Variants in PCDH15 observed in about 807,000 individuals in gnomAD.
The protein encoded by PCDH15 is protocadherin-15.
Under a neutral mutation model 178.5 loss-of-function variants are expected in PCDH15, and 129 were observed. The ratio of observed to expected loss-of-function variants is 0.72; its 90% CI spans 0.63 to 0.84. PCDH15 has a LOEUF of 0.84. PCDH15 is among the 40% of genes least tolerant of loss of function. The pLI is 0.00. For synonymous variants in PCDH15, 800 were observed against 732.0 expected (o/e 1.09, Z -1.50); for missense variants, 2,230 against 2,099.9 (o/e 1.06, Z -1.21).
chr10:55,574,847 T>A (rs1283519987), intron 2 of PCDH15, among the ~76,000 whole-genome samples: 1 of 152,054 alleles, frequency 6.6e-6, no homozygotes, highest in Non-Finnish European at 1.5e-5. Flanking sequence ...AGTTTATCTA[T>A]CTTCTTATTG....
chr10:54,295,736 C>A lies in PCDH15; in HGVS notation c.876+21535G>T, dbSNP rs546457208. On this transcript the variant is annotated intron_variant, in intron 8 of 37. Coordinates refer to ENST00000644397, the MANE Select transcript of PCDH15 (RefSeq NM_001384140.1). ...AACAAATTCCAGACACATTTGGCAA[C>A]CACGAAGGGATAATCACCAAGTAGT... is the stretch of plus-strand genomic sequence containing the variant. Among the ~76,000 whole-genome samples the A allele has an allele frequency of 4.6e-5, 7 of 152,294 alleles. No homozygotes were observed. The East Asian group carries it at 1.4e-3, about 30-fold the overall frequency.
chr10:55,315,185 C>T (rs190200935), intron 1 of PCDH15, among the ~76,000 whole-genome samples: 21 of 152,182 alleles, frequency 1.4e-4, no homozygotes, highest in African/African-American at 5.1e-4. Context: ...TTTGACAATA[C>T]ATAATTATAT....
chr10:55,005,668 T>C (rs1231572337), intron 2 of PCDH15, among the ~76,000 whole-genome samples: 1 of 152,154 alleles, frequency 6.6e-6, no homozygotes, highest in Non-Finnish European at 1.5e-5. Context: ...TAAGTTCATT[T>C]ATTGTTAACA....
intron 15 of PCDH15, among the ~76,000 whole-genome samples, chr10:54,091,348 AT>A (rs77591138): frequency 0.29 from 43,474 of 152,022 alleles, 6,529 homozygotes; most frequent in African/African-American, 0.37. Context: ...AGTCAGCAGG[AT>A]TCTGAGAGAG....
At chr10:54,910,247 C>A (rs1467422787) in intron 2 of PCDH15, among the ~76,000 whole-genome samples, 1 of 152,284 alleles carries the variant, frequency 6.6e-6, no homozygotes, top group South Asian at 2.1e-4. Flanking sequence ...TCAATACCAC[C>A]AATACCTTCT....
chr10:55,200,712 G>T (rs186877056), intron 1 of PCDH15, among the ~76,000 whole-genome samples: 1 of 152,194 alleles, frequency 6.6e-6, no homozygotes, highest in East Asian at 1.9e-4. Context: ...CCTGGTGGGA[G>T]TTGACTGGAT....
At chr10:55,464,206 G>A (rs1490756297) in intron 2 of PCDH15, among the ~76,000 whole-genome samples, 1 of 152,042 alleles carries the variant, frequency 6.6e-6, no homozygotes, top group African/African-American at 2.4e-5. Context: ...AAGTGTACTA[G>A]GGACATAACT....
In PCDH15 at chr10:54,462,309, T is replaced by C. The variant is rs1370390273; in HGVS notation, c.157+65503A>G. ...GGAAACACACACACACATATATATA[T>C]ATATAAAATGAAATCCTATCTTACT... On this transcript the variant is annotated intron_variant, in intron 3 of 37. Coordinates refer to ENST00000644397, the MANE Select transcript of PCDH15 (RefSeq NM_001384140.1). Among the ~76,000 whole-genome samples, 7 of 137,742 alleles carry C rather than the reference T, an allele frequency of 5.1e-5. No individual in the cohort carries two copies. In the East Asian group the frequency reaches 1.4e-3, roughly 27 times the overall value. The allele number at this position is 137,742 out of a possible 152,430, so 90.4% of individuals were successfully genotyped here. A position where few individuals can be genotyped will look rare whatever the true frequency, so the allele number is the denominator to read the frequency against.
At chr10:54,503,324 T>C (rs1014787747) in intron 3 of PCDH15, among the ~76,000 whole-genome samples, 2 of 146,342 alleles carry the variant, frequency 1.4e-5, no homozygotes, top group Non-Finnish European at 3.0e-5. Context: ...TGTTTTATAT[T>C]ATATATATAT....
intron 2 of PCDH15, among the ~76,000 whole-genome samples, chr10:55,150,763 A>G (rs1310557496): frequency 6.6e-6 from 1 of 152,190 alleles, no homozygotes; most frequent in African/African-American, 2.4e-5. Context: ...CATCATTGGA[A>G]TTCAAGTTTT....
At position 54,090,821 on chromosome 10, in the gene PCDH15, A is replaced by G. The variant is rs1289781724; in HGVS notation, c.1918-758T>C. Among the ~76,000 whole-genome samples the G allele has an allele frequency of 2.0e-5, 3 of 152,276 alleles. No homozygotes were observed. In the East Asian group the frequency reaches 5.8e-4, roughly 29 times the overall value. Reference sequence around the variant, plus strand: ...AGCATGACTTCAAAACCGGGCTCCAATTGTCCTATGTGATTATTTCTGTGT... The same window carrying G: ...AGCATGACTTCAAAACCGGGCTCCAGTTGTCCTATGTGATTATTTCTGTGT... On this transcript the variant is annotated intron_variant, in intron 15 of 37. Transcript: ENST00000644397.
intron 1 of PCDH15, among the ~76,000 whole-genome samples, chr10:54,685,997 T>A (rs2135723538): frequency 6.6e-6 from 1 of 152,040 alleles, no homozygotes; most frequent in South Asian, 2.1e-4. Flanking sequence ...TCTACTTTTC[T>A]AATTTTTGCA....
intron 1 of PCDH15, among the ~76,000 whole-genome samples, chr10:54,739,403 A>G (rs1797672796): frequency 6.6e-6 from 1 of 152,010 alleles, no homozygotes; most frequent in African/African-American, 2.4e-5. Flanking sequence ...ACTGGAAAAG[A>G]TTGATAAAAT....
chr10:54,555,104 G>A (rs903227298), intron 2 of PCDH15, among the ~76,000 whole-genome samples: 1 of 152,120 alleles, frequency 6.6e-6, no homozygotes, highest in African/African-American at 2.4e-5. Context: ...GCTGATCTGT[G>A]GGGTCATTAA....
Position 54,384,077 on chromosome 10 carries a change from A to G in PCDH15, c.158-5135T>C, listed in dbSNP as rs537294149. 4.2e-3 allele frequency among the ~76,000 whole-genome samples: 622 copies of G among 149,396 alleles called. 7 individuals are homozygous for G. Among genetic ancestry groups the G allele is most frequent in the African/African-American group, 0.014 (572 of 40,364 alleles). ...TTAAACTTCTGACTTCAGGTGATCC[A>G]TCCGCCTCGGCCTCCCAACGTGCTG... On this transcript the variant is annotated intron_variant, in intron 3 of 37. Transcript: ENST00000644397.
chr10:54,794,893 G>T lies in PCDH15; in HGVS notation c.-29+6032C>A, dbSNP rs546540378. Among the ~76,000 whole-genome samples, 34 of 151,756 alleles carry T rather than the reference G, an allele frequency of 2.2e-4. 1 individual carries two copies. The highest frequency in any genetic ancestry group is 4.6e-4 in the Non-Finnish European group (31 of 67,850). ...GTAGTAATAACAAATTTAGTAAAAA[G>T]TTCTGAATTGTAAAATTCAAAAATT... On this transcript the variant is annotated intron_variant, in intron 1 of 37. Transcript: ENST00000644397.
chr10:55,145,430 G>T (rs545592725), intron 2 of PCDH15, among the ~76,000 whole-genome samples: 27 of 152,104 alleles, frequency 1.8e-4, no homozygotes, highest in African/African-American at 5.8e-4. Context: ...CTTTCCTTGT[G>T]TTCAAGAAAT....
chr10:54,206,806 A>G (rs1442495449), intron 10 of PCDH15, among the ~76,000 whole-genome samples: 1 of 152,068 alleles, frequency 6.6e-6, no homozygotes, highest in Non-Finnish European at 1.5e-5. Context: ...TTATATTTCT[A>G]TGGAACCAAG....
chr10:55,099,936 T>C lies in PCDH15; in HGVS notation c.-80+66640A>G, dbSNP rs535203238. 8.5e-5 allele frequency among the ~76,000 whole-genome samples: 13 copies of C among 152,218 alleles called. No homozygotes were observed. The East Asian group carries it at 2.5e-3, about 29-fold the overall frequency. On this transcript the variant is annotated intron_variant, in intron 2 of 5. Coordinates refer to the PCDH15 transcript ENST00000458638. ...GATAATGAATCATTTTCTTCAAATA[T>C]TCTATATTTCAAAAAAAAGTATAAT...
Sources: gnomAD v4.1 joint callset for allele counts (sites outside exome capture counted in the v4.1 genomes callset) on GRCh38, gnomAD v4.1.1 for gene constraint, MANE v1.5 for transcripts, NCBI Gene and HGNC (gene_info 2026-07-23, HGNC 2026-07-21) for gene names.